Variants in LGI1 observed in about 807,000 individuals in gnomAD.
LGI1 encodes leucine-rich glioma-inactivated protein 1.
Under a neutral mutation model 57.7 loss-of-function variants are expected in LGI1, and 11 were observed. The observed-to-expected ratio is 0.19, with a 90% CI of 0.12 to 0.32. LGI1 has a LOEUF of 0.32. LGI1 is among the 10% of genes least tolerant of loss of function. The pLI, the probability that LGI1 is intolerant of heterozygous loss-of-function variation, is 1.00. For synonymous variants in LGI1, 222 were observed against 241.9 expected, an observed-to-expected ratio of 0.92 and a Z score of 0.76; for missense variants, 422 against 661.9, an observed-to-expected ratio of 0.64 and a Z score of 3.98.
intron 4 of LGI1, chr10:93,778,737 T>A (rs969184656): frequency 6.6e-6 from 1 of 152,218 alleles, no homozygotes; most frequent in Admixed American, 6.5e-5. Flanking sequence ...AGTGTCATAG[T>A]CATTCTGTCA....
intron 2 of LGI1, among the ~76,000 whole-genome samples, chr10:93,773,163 T>C (rs2059757012): frequency 6.6e-6 from 1 of 152,134 alleles, no homozygotes; most frequent in Non-Finnish European, 1.5e-5. Context: ...AAAACACAGA[T>C]TGATATTATC....
At chr10:93,782,845 C>T (rs560620439) in intron 4 of LGI1, 3 of 152,332 alleles carry the variant, frequency 2.0e-5, no homozygotes, top group Non-Finnish European at 2.9e-5. Flanking sequence ...AGCCCGGTGG[C>T]ACTGAAACAA....
At chr10:93,781,222 G>A (rs2059844646) in intron 4 of LGI1, among the ~76,000 whole-genome samples, 1 of 152,064 alleles carries the variant, frequency 6.6e-6, no homozygotes, top group Non-Finnish European at 1.5e-5. Flanking sequence ...AGCCGGGCGT[G>A]GTGGTGGGCG....
At chr10:93,762,201 A>G (rs7897847) in intron 2 of LGI1, among the ~76,000 whole-genome samples, 43,618 of 152,178 alleles carry the variant, frequency 0.29, 6,616 homozygotes, top group South Asian at 0.42. Flanking sequence ...AGAATCCGAC[A>G]TGACCAGAAA....
intron 7 of LGI1, among the ~76,000 whole-genome samples, chr10:93,795,354 C>T (rs2059971370): frequency 6.6e-6 from 1 of 152,122 alleles, no homozygotes; most frequent in Non-Finnish European, 1.5e-5. Flanking sequence ...CTGGTGAGGG[C>T]TCACTCTCTG....
At chr10:93,775,797 G>A (rs1011116220) in intron 2 of LGI1, among the ~76,000 whole-genome samples, 1 of 152,204 alleles carries the variant, frequency 6.6e-6, no homozygotes, top group East Asian at 1.9e-4. Flanking sequence ...AATATGAGAA[G>A]TCCCTGGTCC....
chr10:93,796,827 G>A, intron 7 of LGI1, 141 bp from the exon 8 acceptor site: 1 of 711,838 alleles, frequency 1.4e-6, no homozygotes, highest in East Asian at 2.7e-5. Context: ...TTGGGCTTTG[G>A]AGACCAGCCT....
At chr10:93,785,368 T>C (rs1417794037) in intron 4 of LGI1, among the ~76,000 whole-genome samples, 1 of 152,222 alleles carries the variant, frequency 6.6e-6, no homozygotes, top group Non-Finnish European at 1.5e-5. Context: ...TATATAAAAA[T>C]ATTAGTAGCT....
intron 2 of LGI1, among the ~76,000 whole-genome samples, chr10:93,774,954 A>G (rs1017851175): frequency 1.3e-5 from 2 of 152,232 alleles, no homozygotes; most frequent in South Asian, 4.1e-4. Flanking sequence ...TATCTTTAGA[A>G]TGTATGTATA....
chr10:93,765,969 CAA>C (rs35644716), intron 2 of LGI1, among the ~76,000 whole-genome samples: 359 of 95,006 alleles, frequency 3.8e-3, no homozygotes, highest in African/African-American at 4.0e-3. Flanking sequence ...GCCTCCGTCT[CAA>C]AAAAAAAAAA....
chr10:93,785,340 A>C (rs2059886312), intron 4 of LGI1, among the ~76,000 whole-genome samples: 1 of 152,236 alleles, frequency 6.6e-6, no homozygotes. Context: ...TTTTCCTGGA[A>C]TCCATTACAA....
chr10:93,792,886 C>G lies in LGI1; in HGVS notation c.647C>G (p.Ser216Trp). ...AAGCGCAAAATCAATAGTCTCTCCT[C>G]GAAGGATTTTGATTGCATCATTACA... ...YKKRKINSLSSKDFDCIITEF... is the reference protein window; with the variant it reads ...YKKRKINSLSWKDFDCIITEF... Residue 216 changes from serine (S) to tryptophan (W), a missense_variant, in exon 6 of 8, where the codon TCG becomes TGG. By Grantham distance (177) the Ser-to-Trp change is radical. This residue lies in a region of LGI1 where 301 missense variants were observed against 461.7 expected (regional missense o/e 0.65). Coordinates refer to ENST00000371418, the MANE Select transcript of LGI1 (RefSeq NM_005097.4). 1 of 1,613,986 alleles carries G rather than the reference C, an allele frequency of 6.2e-7. No individual in the cohort carries two copies. The highest frequency in any genetic ancestry group is 8.5e-7 in the Non-Finnish European group (1 of 1,179,952).
chr10:93,774,951 A>G (rs1453577516), intron 2 of LGI1, among the ~76,000 whole-genome samples: 1 of 152,242 alleles, frequency 6.6e-6, no homozygotes, highest in East Asian at 1.9e-4. Context: ...AACTATCTTT[A>G]GAATGTATGT....
intron 2 of LGI1, chr10:93,772,743 C>T (rs4917917): frequency 0.6 from 90,852 of 151,816 alleles, 27,249 homozygotes; most frequent in Middle Eastern, 0.64. Context: ...CCAGAATTTC[C>T]ACAATGAGCA....
At chr10:93,764,199 A>G (rs760310205) in intron 2 of LGI1, 2 of 152,148 alleles carry the variant, frequency 1.3e-5, no homozygotes, top group African/African-American at 2.4e-5. Context: ...GTGATTCTTG[A>G]TATGGTAAAT....
chr10:93,783,237 G>A lies in LGI1; in HGVS notation c.431+5620G>A, dbSNP rs578095657. ...TAAAAATACAAAAAATTAGCTGGGCGTGGTGGCGGGCGCCTGTAGTCCCAG... is the reference window on the plus strand; with the variant it reads ...TAAAAATACAAAAAATTAGCTGGGCATGGTGGCGGGCGCCTGTAGTCCCAG... On this transcript the variant is annotated intron_variant, in intron 4 of 7. Coordinates refer to ENST00000371418, the MANE Select transcript of LGI1 (RefSeq NM_005097.4). 5.5e-3 allele frequency among the ~76,000 whole-genome samples: 833 copies of A among 152,190 alleles called. 6 individuals carry two copies. Among genetic ancestry groups the A allele is most frequent in the African/African-American group, 0.019 (769 of 41,538 alleles).
intron 2 of LGI1, 91 bp from the exon 3 acceptor site, chr10:93,777,288 C>G: frequency 9.1e-7 from 1 of 1,101,540 alleles, no homozygotes. Context: ...TTTCTGTATA[C>G]AACTCCCACT....
chr10:93,793,243 A>T lies in LGI1; in HGVS notation c.731A>T (p.Tyr244Phe). 1 of 1,613,092 alleles carries T rather than the reference A, an allele frequency of 6.2e-7. No individual in the cohort carries two copies. Among genetic ancestry groups the T allele is most frequent in the Non-Finnish European group, 8.5e-7 (1 of 1,179,332 alleles). Residue 244 changes from tyrosine (Y) to phenylalanine (F), a missense_variant, in exon 7 of 8, where the codon TAT becomes TTT. By Grantham distance (22) the Tyr-to-Phe change is conservative. Around this residue, in one of 3 missense-constraint regions of LGI1, gnomAD observed 301 missense variants for 461.7 expected, o/e 0.65. Coordinates refer to ENST00000371418, the MANE Select transcript of LGI1 (RefSeq NM_005097.4). ...TCATTGTCCATAGACACTTTTTCTT[A>T]TTTGAATGATGAGTATGTAGTCATC... ...YQSLSIDTFS[Y>F]LNDEYVVIAQ...
rs549770161 is a variant in LGI1, at chr10:93,784,974, C to G, written c.432-5125C>G. ...CATGACTAAATCTTAACAGTGGTTA[C>G]TTCTGCTATGATAATTATTATTTCT... On this transcript the variant is annotated intron_variant, in intron 4 of 7. Coordinates refer to ENST00000371418, the MANE Select transcript of LGI1 (RefSeq NM_005097.4). Among the ~76,000 whole-genome samples, 21 of 152,238 alleles carry G rather than the reference C, an allele frequency of 1.4e-4. No individual in the cohort carries two copies. In the East Asian group the frequency reaches 4.1e-3, roughly 29 times the overall value.
Sources: allele counts gnomAD v4.1 joint callset (sites outside exome capture counted in the v4.1 genomes callset), GRCh38; gene constraint gnomAD v4.1.1; regional missense constraint gnomAD v4.1.1; transcripts MANE v1.5; gene names NCBI Gene and HGNC (gene_info 2026-07-23, HGNC 2026-07-21).